CPAMD8: variants seen among roughly 807,000 people sequenced by gnomAD.
CPAMD8 encodes the protein C3 and PZP-like alpha-2-macroglobulin domain-containing protein 8.
In CPAMD8, 146 loss-of-function variants were observed where a neutral mutation model predicts 224.7. That is an observed-to-expected ratio of 0.65 (90% CI 0.57 to 0.75). CPAMD8 has a LOEUF of 0.75. Among genes scored for constraint, CPAMD8 ranks in the 30% least tolerant of loss-of-function variants. The pLI, the probability that CPAMD8 is intolerant of heterozygous loss-of-function variation, is 0.00. For synonymous variants in CPAMD8, 966 were observed against 1,044.6 expected (o/e 0.92, Z 1.45); for missense variants, 2,301 against 2,537.5 (o/e 0.91, Z 2.00).
intron 27 of CPAMD8, among the ~76,000 whole-genome samples, chr19:16,920,515 C>T (rs1379240378): frequency 6.6e-6 from 1 of 151,148 alleles, no homozygotes; most frequent in Non-Finnish European, 1.5e-5. Flanking sequence ...TTTTCTTGCT[C>T]ATGCTGAGAG....
chr19:17,008,383 G>T, intron 7 of CPAMD8, 122 bp downstream of exon 7: 1 of 1,268,374 alleles, frequency 7.9e-7, no homozygotes, highest in Non-Finnish European at 1.1e-6. Context: ...CTCCTCCTTG[G>T]TCCCCTCCAG....
chr19:16,917,056 T>C (rs1232080303), intron 27 of CPAMD8, among the ~76,000 whole-genome samples: 2 of 152,196 alleles, frequency 1.3e-5, no homozygotes, highest in Non-Finnish European at 2.9e-5. Flanking sequence ...ACTTTCCCAC[T>C]GTAAAACGCA....
At chr19:16,911,588 C>T (rs898908160) in intron 29 of CPAMD8, among the ~76,000 whole-genome samples, 7 of 151,986 alleles carry the variant, frequency 4.6e-5, no homozygotes, top group East Asian at 1.9e-4. Flanking sequence ...CACTCTTGCC[C>T]GGGCTGGAGT....
In CPAMD8 at chr19:16,921,898, G is replaced by T; in HGVS notation, c.3629+7C>A. ...CAGAGGCAATGCCCAGGGCGGTGGG[G>T]ACTCACCACATGCTCCCCGATGCGT... On this transcript the variant is annotated splice_region_variant and intron_variant, in intron 27 of 41. Coordinates refer to ENST00000443236, the MANE Select transcript of CPAMD8 (RefSeq NM_015692.5). The T allele has an allele frequency of 3.3e-6, 5 of 1,537,134 alleles. No homozygotes were observed. Among genetic ancestry groups the T allele is most frequent in the Non-Finnish European group, 4.4e-6 (5 of 1,141,670 alleles).
At chr19:17,022,405 C>T (rs974831468) in intron 1 of CPAMD8, among the ~76,000 whole-genome samples, 1 of 152,178 alleles carries the variant, frequency 6.6e-6, no homozygotes, top group Non-Finnish European at 1.5e-5. Context: ...TCTGGCCTCA[C>T]TGGATTTTTC....
At chr19:16,976,720 C>A (rs760757461) in intron 15 of CPAMD8, among the ~76,000 whole-genome samples, 1 of 151,816 alleles carries the variant, frequency 6.6e-6, no homozygotes, top group African/African-American at 2.4e-5. Flanking sequence ...CAGGTGCTGG[C>A]GGAGAGCCTG....
chr19:16,959,176 C>CA (rs2054569881), intron 18 of CPAMD8, among the ~76,000 whole-genome samples: 1 of 131,768 alleles, frequency 7.6e-6, no homozygotes, highest in Non-Finnish European at 1.7e-5. Context: ...TTGCATTTCC[C>CA]TTTTTTTTTT....
intron 18 of CPAMD8, among the ~76,000 whole-genome samples, chr19:16,960,420 T>C (rs2054614123): frequency 6.6e-6 from 1 of 150,972 alleles, no homozygotes. Context: ...AATCAAATGA[T>C]AGTATATTCA....
intron 20 of CPAMD8, among the ~76,000 whole-genome samples, chr19:16,949,864 T>C (rs2054242929): frequency 6.6e-6 from 1 of 152,152 alleles, no homozygotes; most frequent in Non-Finnish European, 1.5e-5. Context: ...CCGGCACCCG[T>C]AGACATTGAT....
chr19:16,909,780 A>C (rs1250064557), intron 29 of CPAMD8, among the ~76,000 whole-genome samples: 5 of 152,106 alleles, frequency 3.3e-5, no homozygotes, highest in Non-Finnish European at 7.4e-5. Flanking sequence ...CAGAGGTTTC[A>C]CTGTTACTCA....
At chr19:16,994,801 T>A (rs2056074647) in intron 11 of CPAMD8, among the ~76,000 whole-genome samples, 1 of 151,906 alleles carries the variant, frequency 6.6e-6, no homozygotes. Context: ...CACAAACGTC[T>A]GGCCTATTTC....
At position 16,955,064 on chromosome 19, in the gene CPAMD8, T is replaced by C. The variant is rs145198916; in HGVS notation, c.2276+2789A>G. ...AATGGCGTGAACCCAGGAGGCAGAG[T>C]TTGCAGTGAGCCGAGATCGCACCAC... On this transcript the variant is annotated intron_variant, in intron 19 of 41. Transcript: ENST00000443236. Among the ~76,000 whole-genome samples, 175 of 150,544 alleles carry C rather than the reference T, an allele frequency of 1.2e-3. 2 individuals are homozygous for C. In the Middle Eastern group the frequency reaches 0.014, roughly 12 times the overall value.
chr19:16,896,055 A>C, intron 41 of CPAMD8, 121 bp downstream of exon 41: 1 of 1,035,358 alleles, frequency 9.7e-7, no homozygotes, highest in East Asian at 2.5e-5. Flanking sequence ...TCCCACTGCC[A>C]GTGGGGGGTC....
intron 1 of CPAMD8, among the ~76,000 whole-genome samples, chr19:17,025,455 A>G (rs889105382): frequency 1.3e-5 from 2 of 152,088 alleles, no homozygotes; most frequent in Admixed American, 1.3e-4. Flanking sequence ...CAAACAACAA[A>G]CAAAAACCTC....
At chr19:16,985,449 T>C (rs2055684521) in intron 13 of CPAMD8, among the ~76,000 whole-genome samples, 1 of 132,734 alleles carries the variant, frequency 7.5e-6, no homozygotes, top group African/African-American at 3.0e-5. Flanking sequence ...GGAGAGAGGG[T>C]AGATGGATGG....
intron 13 of CPAMD8, among the ~76,000 whole-genome samples, chr19:16,988,295 C>T (rs1203208981): frequency 6.6e-6 from 1 of 152,124 alleles, no homozygotes; most frequent in Non-Finnish European, 1.5e-5. Context: ...CCCTGGGCCA[C>T]AGCCTAAATG....
At chr19:16,964,481 C>T (rs2054759620) in intron 18 of CPAMD8, among the ~76,000 whole-genome samples, 1 of 152,140 alleles carries the variant, frequency 6.6e-6, no homozygotes, top group South Asian at 2.1e-4. Flanking sequence ...CCTCCCAAGA[C>T]TAAACCAGGA....
chr19:16,914,903 C>A, intron 27 of CPAMD8, 90 bp from the exon 28 acceptor site: 1 of 880,730 alleles, frequency 1.1e-6, no homozygotes, highest in Non-Finnish European at 1.7e-6. Flanking sequence ...CCTGGCACCA[C>A]CCCCGGCCTC....
At chr19:16,940,573 T>A (rs757050383) in intron 22 of CPAMD8, among the ~76,000 whole-genome samples, 1 of 152,190 alleles carries the variant, frequency 6.6e-6, no homozygotes, top group Admixed American at 6.6e-5. Context: ...TATTTTCTCA[T>A]CCTTACCTAC....
Sources: gnomAD v4.1 joint callset for allele counts (sites outside exome capture counted in the v4.1 genomes callset) on GRCh38, gnomAD v4.1.1 for gene constraint, MANE v1.5 for transcripts, NCBI Gene and HGNC (gene_info 2026-07-23, HGNC 2026-07-21) for gene names.